ANKRD12: variants seen among roughly 807,000 people sequenced by gnomAD.
ANKRD12 encodes the protein ankyrin repeat domain 12, also known as ankyrin repeat domain-containing protein 12.
In ANKRD12, 85 loss-of-function variants were observed where a neutral mutation model predicts 183.4. The ratio of observed to expected loss-of-function variants is 0.46; its 90% CI spans 0.39 to 0.56. The LOEUF (loss-of-function observed/expected upper bound fraction) is 0.56, where lower values mean the gene tolerates loss of function less well. Ranked by LOEUF, ANKRD12 falls within the 20% of genes least tolerant of loss-of-function variation. The pLI is 0.00. For missense variants in ANKRD12, 2,405 were observed against 2,357.1 expected (o/e 1.02, Z -0.42); for synonymous variants, 914 against 800.2 (o/e 1.14, Z -2.40).
chr18:9,148,972 T>C (rs1598392088), intron 1 of ANKRD12, among the ~76,000 whole-genome samples: 1 of 152,208 alleles, frequency 6.6e-6, no homozygotes, highest in Non-Finnish European at 1.5e-5. Flanking sequence ...TGCTTTTGTG[T>C]GTGGGCATGT....
chr18:9,175,662 G>C (rs981726101), intron 1 of ANKRD12, among the ~76,000 whole-genome samples: 31 of 150,082 alleles, frequency 2.1e-4, no homozygotes, highest in Non-Finnish European at 3.7e-4. Flanking sequence ...TGAGTAGCTG[G>C]GATTATAGGC....
chr18:9,219,469 A>C (rs2036293214), intron 7 of ANKRD12, among the ~76,000 whole-genome samples: 1 of 152,242 alleles, frequency 6.6e-6, no homozygotes, highest in African/African-American at 2.4e-5. Flanking sequence ...TTTGGAAGAT[A>C]GAAATTGGAG....
chr18:9,246,574 C>A (rs558827741), intron 8 of ANKRD12, among the ~76,000 whole-genome samples: 29 of 152,178 alleles, frequency 1.9e-4, no homozygotes, highest in African/African-American at 6.5e-4. Context: ...AAATAAGTGC[C>A]CGGAGCAAGC....
At chr18:9,216,016 T>C (rs2036083466) in intron 6 of ANKRD12, among the ~76,000 whole-genome samples, 1 of 7,212 alleles carries the variant, frequency 1.4e-4, no homozygotes, top group Non-Finnish European at 4.7e-4. Context: ...CTGCTTTTAC[T>C]TTTTTTTTTT....
rs1239769462 is a variant in ANKRD12, at chr18:9,166,548, A to G, written c.-51-15834A>G. 3.0e-4 allele frequency among the ~76,000 whole-genome samples: 46 copies of G among 150,982 alleles called. No individual in the cohort carries two copies. In the East Asian group the frequency reaches 7.0e-3, roughly 23 times the overall value. On this transcript the variant is annotated intron_variant, in intron 1 of 12. Transcript: ENST00000262126. Reference sequence around the variant, plus strand: ...TGAGAAGTGTCTGTTCATATCCTTCACCCACTTGTTGATGGGGTTGTTTTT... The same window carrying G: ...TGAGAAGTGTCTGTTCATATCCTTCGCCCACTTGTTGATGGGGTTGTTTTT...
At chr18:9,216,233 CTG>C (rs2036096257) in intron 6 of ANKRD12, among the ~76,000 whole-genome samples, 1 of 152,224 alleles carries the variant, frequency 6.6e-6, no homozygotes, top group Admixed American at 6.5e-5. Context: ...TCTGCCACCT[CTG>C]AGACAGCAAG....
In ANKRD12 at chr18:9,281,263, A is replaced by G. The variant is rs2040096283; in HGVS notation, c.*137A>G. 7 of 622,608 alleles carry G rather than the reference A, an allele frequency of 1.1e-5. No individual in the cohort carries two copies. The South Asian group carries it at 2.0e-4, about 18-fold the overall frequency. 38.6% of individuals were successfully genotyped at this position (622,608 alleles called of 1,614,324 possible). A position where few individuals can be genotyped will look rare whatever the true frequency, so the allele number is the denominator to read the frequency against. On this transcript the variant is annotated 3_prime_UTR_variant, in exon 13 of 13. Transcript: ENST00000262126. ...TCGATTATAGTTGGTTATGTAGTAA[A>G]CACTGTCATTTTATAAAAAATGAGA... is the stretch of plus-strand genomic sequence containing the variant.
chr18:9,193,534 T>G (rs1025474433), intron 2 of ANKRD12, among the ~76,000 whole-genome samples: 6 of 152,140 alleles, frequency 3.9e-5, no homozygotes, highest in Non-Finnish European at 8.8e-5. Flanking sequence ...GTTTGGTTGT[T>G]TTTATCTTTT....
intron 1 of ANKRD12, among the ~76,000 whole-genome samples, chr18:9,176,768 TAGC>T (rs1323785974): frequency 3.3e-5 from 5 of 152,288 alleles, no homozygotes; most frequent in Middle Eastern, 3.4e-3. Context: ...TATTTAGAAA[TAGC>T]AGTGGTGTTA....
At chr18:9,182,141 A>G (rs1336182814) in intron 1 of ANKRD12, among the ~76,000 whole-genome samples, 1 of 152,342 alleles carries the variant, frequency 6.6e-6, no homozygotes, top group East Asian at 1.9e-4. Context: ...CTGCTTCTGG[A>G]TACCCAAAAC....
chr18:9,183,214 G>A (rs2033825262), intron 2 of ANKRD12, among the ~76,000 whole-genome samples: 2 of 152,126 alleles, frequency 1.3e-5, no homozygotes, highest in South Asian at 2.1e-4. Context: ...TTTCAGAATC[G>A]TTTTGAGTCC....
intron 2 of ANKRD12, among the ~76,000 whole-genome samples, chr18:9,185,210 G>C (rs1473356307): frequency 6.6e-6 from 1 of 152,204 alleles, no homozygotes; most frequent in East Asian, 1.9e-4. Flanking sequence ...TTATAGCCTT[G>C]TGTGCCTTGC....
chr18:9,219,898 C>G (rs1311693818), intron 7 of ANKRD12, among the ~76,000 whole-genome samples: 2 of 152,180 alleles, frequency 1.3e-5, no homozygotes, highest in Admixed American at 1.3e-4. Context: ...GTAATTGCTC[C>G]TCTCTCACCC....
rs889580683 is a variant in ANKRD12, at chr18:9,205,320, T to C, written c.304+776T>C. Among the ~76,000 whole-genome samples the C allele has an allele frequency of 1.1e-4, 11 of 103,720 alleles. No homozygotes were observed. In the Admixed American group the frequency reaches 1.1e-3, roughly 11 times the overall value. The allele number at this position is 103,720 out of a possible 152,430, so 68.0% of individuals were successfully genotyped here. ...TTATCTCTGAGCTTAAATAAAAATA[T>C]GATTTTTTTTTAGTCCCTGGGTGTC... On this transcript the variant is annotated intron_variant, in intron 4 of 12. Transcript: ENST00000262126.
chr18:9,254,460 T>C lies in ANKRD12; in HGVS notation c.1193T>C (p.Leu398Ser). Residue 398 changes from leucine to serine, a missense_variant, in exon 9 of 13, where the codon TTA becomes TCA. By Grantham distance (145) the Leu-to-Ser change is moderately radical. This residue lies in a region of ANKRD12 where 1,983 missense variants were observed against 1,725.9 expected (regional missense o/e 1.15). Transcript: ENST00000262126. ...ENEPEAEKTH[L>S]FAKQEKAFYP... ...GAACCTGAAGCAGAAAAAACTCATT[T>C]ATTTGCAAAACAGGAGAAAGCCTTC... The C allele has an allele frequency of 6.4e-7, 1 of 1,567,932 alleles. No individual in the cohort carries two copies. The highest frequency in any genetic ancestry group is 8.6e-7 in the Non-Finnish European group (1 of 1,163,164).
chr18:9,140,295 A>G (rs1010533124), intron 1 of ANKRD12, among the ~76,000 whole-genome samples: 1 of 152,170 alleles, frequency 6.6e-6, no homozygotes, highest in African/African-American at 2.4e-5. Context: ...AGGTGTTTAG[A>G]TCCCTGGATT....
At position 9,254,776 on chromosome 18, in the gene ANKRD12, G is replaced by A; in HGVS notation, c.1509G>A (p.Leu503=). ...EGKENTRITN[L]TVNTGLDCSE... ...AAGAAAATACAAGAATAACAAACTT[G>A]ACAGTAAATACTGGACTAGATTGTT... The change falls in exon 9 of 13, where the codon TTG becomes TTA. Residue 503 remains leucine (L), a synonymous_variant. Transcript: ENST00000262126. 1 of 1,469,890 alleles carries A rather than the reference G, an allele frequency of 6.8e-7. No individual in the cohort carries two copies. The highest frequency in any genetic ancestry group is 9.0e-7 in the Non-Finnish European group (1 of 1,111,522). 91.1% of individuals were successfully genotyped at this position (1,469,890 alleles called of 1,614,324 possible).
intron 1 of ANKRD12, among the ~76,000 whole-genome samples, chr18:9,141,312 T>C (rs1202889363): frequency 6.6e-6 from 1 of 152,206 alleles, no homozygotes; most frequent in Admixed American, 6.5e-5. Context: ...TATGAGGCTA[T>C]CCTAGCAAAT....
intron 1 of ANKRD12, among the ~76,000 whole-genome samples, chr18:9,178,075 T>C (rs1000853027): frequency 4.0e-5 from 6 of 148,154 alleles, no homozygotes; most frequent in African/African-American, 1.6e-4. Flanking sequence ...ATGGCTGGCT[T>C]TTCATTTTCT....
Sources: gnomAD v4.1 joint callset for allele counts (sites outside exome capture counted in the v4.1 genomes callset) on GRCh38, gnomAD v4.1.1 for gene constraint, gnomAD v4.1.1 regional missense constraint, MANE v1.5 for transcripts, NCBI Gene and HGNC (gene_info 2026-07-23, HGNC 2026-07-21) for gene names.